The following SGCD variants were observed in gnomAD, a reference collection of about 807,000 sequenced individuals.
SGCD encodes sarcoglycan delta.
SGCD carries 18 observed loss-of-function variants against 36.6 expected under a neutral mutation model. The ratio of observed to expected loss-of-function variants is 0.49; its 90% CI spans 0.34 to 0.73. SGCD has a LOEUF of 0.73. SGCD is among the 30% of genes least tolerant of loss of function. SGCD has a pLI of 0.01. For synonymous variants in SGCD, 133 were observed against 130.6 expected (o/e 1.02, Z -0.12); for missense variants, 387 against 346.7 (o/e 1.12, Z -0.92).
the SGCD span, among the ~76,000 whole-genome samples, chr5:155,825,620 G>A: frequency 2.6e-5 from 4 of 152,064 alleles, no homozygotes; most frequent in Admixed American, 2.6e-4. Context: ...TGAGAATTTT[G>A]CCTTTTCATA....
intron 3 of SGCD, among the ~76,000 whole-genome samples, chr5:156,437,273 CATT>C (rs1259145689): frequency 1.3e-5 from 2 of 152,088 alleles, no homozygotes; most frequent in Admixed American, 6.6e-5. Flanking sequence ...GCAACTTCCT[CATT>C]ATTTTAGTTG....
chr5:156,495,901 G>A (rs1309695590), intron 3 of SGCD, among the ~76,000 whole-genome samples: 1 of 152,116 alleles, frequency 6.6e-6, no homozygotes, highest in Non-Finnish European at 1.5e-5. Flanking sequence ...CTTTTTAAAG[G>A]TTGCTTACAA....
intron 3 of SGCD, among the ~76,000 whole-genome samples, chr5:156,269,345 C>T (rs1298078116): frequency 2.6e-5 from 4 of 151,738 alleles, no homozygotes; most frequent in Non-Finnish European, 5.9e-5. Flanking sequence ...TGGCGGGTGC[C>T]TGTTGTCTCA....
At chr5:156,078,041 CA>C in intron 1 of SGCD, among the ~76,000 whole-genome samples, 1 of 152,040 alleles carries the variant, frequency 6.6e-6, no homozygotes, top group African/African-American at 2.4e-5. Context: ...CAAACAATAA[CA>C]AAAAGAATCC....
chr5:156,051,712 ATGAGCACTCGTGGTAGG>A (rs1228001044), intron 1 of SGCD, among the ~76,000 whole-genome samples: 1 of 145,902 alleles, frequency 6.9e-6, no homozygotes, highest in Non-Finnish European at 1.5e-5. Context: ...AAATATATAA[ATGAGCACTCGTGGTAGG>A]AAGGAACAAG....
At chr5:155,766,533 C>G in the SGCD span, among the ~76,000 whole-genome samples, 1 of 152,122 alleles carries the variant, frequency 6.6e-6, no homozygotes, top group Admixed American at 6.5e-5. Flanking sequence ...TTAGAAATGC[C>G]ATTTGATTGC....
intron 1 of SGCD, among the ~76,000 whole-genome samples, chr5:155,901,290 C>T (rs1386074953): frequency 6.8e-6 from 1 of 146,692 alleles, no homozygotes; most frequent in Non-Finnish European, 1.5e-5. Flanking sequence ...CCAGCCTGGG[C>T]AACAAGAGCG....
intron 4 of SGCD, among the ~76,000 whole-genome samples, chr5:156,519,510 G>T (rs550452264): frequency 6.6e-6 from 1 of 151,980 alleles, no homozygotes; most frequent in African/African-American, 2.4e-5. Context: ...CTTCCCTAAC[G>T]CATTTTATGA....
intron 1 of SGCD, among the ~76,000 whole-genome samples, chr5:156,058,147 C>T (rs1760107781): frequency 6.9e-6 from 1 of 145,734 alleles, no homozygotes; most frequent in South Asian, 2.2e-4. Context: ...TATGTTTATT[C>T]CTACCCAAAA....
chr5:156,454,969 C>G (rs951583636), intron 3 of SGCD, among the ~76,000 whole-genome samples: 1 of 152,144 alleles, frequency 6.6e-6, no homozygotes, highest in Admixed American at 6.6e-5. Flanking sequence ...AGAAGAACCT[C>G]CCTTCTGCAA....
chr5:156,532,374 G>C (rs1757922535), intron 4 of SGCD, among the ~76,000 whole-genome samples: 1 of 152,144 alleles, frequency 6.6e-6, no homozygotes, highest in African/African-American at 2.4e-5. Context: ...AATGTTTGCT[G>C]AATTTGAATC....
intron 1 of SGCD, among the ~76,000 whole-genome samples, chr5:156,033,866 G>A (rs918437586): frequency 6.6e-6 from 1 of 152,086 alleles, no homozygotes; most frequent in Non-Finnish European, 1.5e-5. Context: ...TCTTTTTACT[G>A]GCTCACATTG....
At chr5:156,157,387 G>T (rs1413836688) in intron 3 of SGCD, among the ~76,000 whole-genome samples, 1 of 151,640 alleles carries the variant, frequency 6.6e-6, no homozygotes, top group African/African-American at 2.4e-5. Context: ...AATAAACAGA[G>T]CCAGGTATTG....
intron 1 of SGCD, among the ~76,000 whole-genome samples, chr5:156,068,282 C>T (rs183428232): frequency 0.018 from 2,781 of 151,812 alleles, 91 homozygotes; most frequent in African/African-American, 0.063. Flanking sequence ...CTTTCCCCAC[C>T]CCACAACAGT....
chr5:156,658,668 C>T (rs1352113812), intron 7 of SGCD, among the ~76,000 whole-genome samples: 42 of 74,142 alleles, frequency 5.7e-4, no homozygotes, highest in Non-Finnish European at 9.3e-4. Context: ...CTTGCTTTTC[C>T]CCACATTTCC....
At position 155,878,123 on chromosome 5, in the gene SGCD, G is replaced by A. The variant is rs147213359; in HGVS notation, c.-282+7699G>A. Among the ~76,000 whole-genome samples the A allele has an allele frequency of 3.5e-3, 526 of 152,000 alleles. 1 individual carries two copies. Among genetic ancestry groups the A allele is most frequent in the South Asian group, 9.1e-3 (44 of 4,810 alleles). ...GAACTGGAATTTTAAATTTGAGGGT[G>A]GAAGTATATAACAGGATGTGTTTGA... On this transcript the variant is annotated intron_variant, in intron 1 of 9. Coordinates refer to the SGCD transcript ENST00000517913.
chr5:155,933,147 C>G (rs1757130948), intron 1 of SGCD, among the ~76,000 whole-genome samples: 1 of 152,128 alleles, frequency 6.6e-6, no homozygotes, highest in South Asian at 2.1e-4. Flanking sequence ...TTTTTTATCC[C>G]TCTTATCCTC....
At chr5:155,756,593 AC>A in the SGCD span, among the ~76,000 whole-genome samples, 3 of 152,320 alleles carry the variant, frequency 2.0e-5, no homozygotes, top group South Asian at 6.2e-4. Flanking sequence ...AGTGTTCAGT[AC>A]AGTCCCTAGC....
the SGCD span, among the ~76,000 whole-genome samples, chr5:155,856,005 G>A: frequency 6.6e-6 from 1 of 151,984 alleles, no homozygotes; most frequent in Non-Finnish European, 1.5e-5. Context: ...TTGTACAGAT[G>A]GATATTAAAA....
Sources: gnomAD v4.1 joint callset for allele counts (sites outside exome capture counted in the v4.1 genomes callset) on GRCh38, gnomAD v4.1.1 for gene constraint, MANE v1.5 for transcripts, NCBI Gene and HGNC (gene_info 2026-07-23, HGNC 2026-07-21) for gene names.